IL17RB: variants seen among roughly 807,000 people sequenced by gnomAD.
IL17RB encodes the protein interleukin 17 receptor B.
A neutral mutation model predicts 43.9 loss-of-function variants in IL17RB; 36 were observed. That is an observed-to-expected ratio of 0.82 (90% CI 0.63 to 1.08). The LOEUF (loss-of-function observed/expected upper bound fraction) is 1.08. Among genes scored for constraint, IL17RB ranks in the 50% least tolerant of loss-of-function variants. The pLI is 0.00. For synonymous variants in IL17RB, 225 were observed against 225.4 expected, an observed-to-expected ratio of 1.00 and a Z score of 0.02; for missense variants, 613 against 613.6, an observed-to-expected ratio of 1.00 and a Z score of 0.01.
chr3:53,865,046 G>T lies in IL17RB; in HGVS notation c.1247G>T (p.Ser416Ile). 1 of 1,614,186 alleles carries T rather than the reference G, an allele frequency of 6.2e-7. No homozygotes were observed. The highest frequency in any genetic ancestry group is 8.5e-7 in the Non-Finnish European group (1 of 1,180,024). Residue 416 changes from serine (S) to isoleucine (I), a missense_variant, in exon 11 of 11, where the codon AGT (serine) becomes ATT (isoleucine). Ser to Ile is a moderately radical substitution (Grantham distance 142, BLOSUM62 -2). Coordinates refer to ENST00000288167, the MANE Select transcript of IL17RB (RefSeq NM_018725.4). ...GTCGKSEGSPSENSQDLFPLA... is the reference protein window; with the variant it reads ...GTCGKSEGSPIENSQDLFPLA... ...TGTGGCAAGAGCGAGGGCAGTCCCA[G>T]TGAGAACTCTCAAGACCTCTTCCCC...
At chr3:53,860,474 C>T (rs1576844996) in intron 10 of IL17RB, 3 of 348,824 alleles carry the variant, frequency 8.6e-6, no homozygotes, top group Admixed American at 4.3e-5. Context: ...TACCATTGAG[C>T]CTTCTACCAG....
chr3:53,860,411 G>A, intron 10 of IL17RB, 183 bp downstream of exon 10: 1 of 437,814 alleles, frequency 2.3e-6, no homozygotes, highest in East Asian at 3.3e-5. Flanking sequence ...ACACATGCCA[G>A]GTGAAAGCAG....
chr3:53,850,898 T>A (rs1007925229), intron 3 of IL17RB, among the ~76,000 whole-genome samples: 1 of 152,034 alleles, frequency 6.6e-6, no homozygotes, highest in Non-Finnish European at 1.5e-5. Flanking sequence ...CCTGAGGGAG[T>A]TTCTTAACCT....
chr3:53,858,897 G>T (rs1371484071), intron 9 of IL17RB, 79 bp downstream of exon 9: 7 of 1,193,666 alleles, frequency 5.9e-6, no homozygotes, highest in Non-Finnish European at 8.6e-6. Context: ...ATGTGGAAGG[G>T]TTGTGTGTAT....
intron 10 of IL17RB, among the ~76,000 whole-genome samples, chr3:53,862,708 G>T (rs528988077): frequency 6.6e-6 from 1 of 152,126 alleles, no homozygotes; most frequent in African/African-American, 2.4e-5. Flanking sequence ...AAAACAAATC[G>T]ACATTAAACA....
chr3:53,855,879 T>C (rs1460038931), intron 6 of IL17RB, among the ~76,000 whole-genome samples: 2 of 152,200 alleles, frequency 1.3e-5, no homozygotes, highest in African/African-American at 4.8e-5. Context: ...CCCTTGAATT[T>C]TGTAGTAATC....
Position 53,849,736 on chromosome 3 carries a change from G to A in IL17RB, c.167G>A (p.Ser56Asn). The A allele has an allele frequency of 6.2e-7, 1 of 1,612,052 alleles. No homozygotes were observed. Among genetic ancestry groups the A allele is most frequent in the Non-Finnish European group, 8.5e-7 (1 of 1,178,542 alleles). The change falls in exon 3 of 11, where the codon AGT becomes AAT. Residue 56 changes from serine to asparagine, a missense_variant. By Grantham distance (46) the Ser-to-Asn change is conservative. Coordinates refer to ENST00000288167, the MANE Select transcript of IL17RB (RefSeq NM_018725.4). Reference protein sequence around the residue: ...RDLRVEPVTTSVATGDYSILM... With the variant: ...RDLRVEPVTTNVATGDYSILM... The stretch of plus-strand genomic sequence containing the variant: ...CTCCGAGTAGAACCTGTTACAACTA[G>A]TGTTGCAACAGGGGACTATTCAATT...
intron 6 of IL17RB, among the ~76,000 whole-genome samples, chr3:53,856,074 G>C (rs1374100741): frequency 1.3e-5 from 2 of 152,210 alleles, no homozygotes; most frequent in Non-Finnish European, 2.9e-5. Flanking sequence ...GTCCTTGCTA[G>C]AAGGCAGATT....
At position 53,865,339 on chromosome 3, in the gene IL17RB, G is replaced by C. The variant is rs951206936; in HGVS notation, c.*31G>C. On this transcript the variant is annotated 3_prime_UTR_variant, in exon 11 of 11. Transcript: ENST00000288167. ...CCATGAGAAGCAAGAGACCTTAAAGGCTTCCTATCCCACCAATTACAGGGA... is the reference window on the plus strand; with the variant it reads ...CCATGAGAAGCAAGAGACCTTAAAGCCTTCCTATCCCACCAATTACAGGGA... The C allele has an allele frequency of 1.3e-6, 2 of 1,538,880 alleles. No homozygotes were observed. Among genetic ancestry groups the C allele is most frequent in the Non-Finnish European group, 1.8e-6 (2 of 1,141,546 alleles).
At chr3:53,857,256 C>T (rs951708200) in intron 7 of IL17RB, among the ~76,000 whole-genome samples, 1 of 152,148 alleles carries the variant, frequency 6.6e-6, no homozygotes, top group Non-Finnish European at 1.5e-5. Context: ...CTGGAAGCCT[C>T]GAAATCTGCT....
At chr3:53,849,545 G>A (rs1470558451) in intron 2 of IL17RB, 110 bp from the exon 3 acceptor site, 2 of 932,056 alleles carry the variant, frequency 2.1e-6, no homozygotes, top group African/African-American at 3.4e-5. Context: ...AAAAAAAGAA[G>A]TGAGGAATTG....
chr3:53,856,647 C>T (rs961733639), intron 6 of IL17RB, among the ~76,000 whole-genome samples, 197 bp from the exon 7 acceptor site: 2 of 152,186 alleles, frequency 1.3e-5, no homozygotes, highest in Non-Finnish European at 2.9e-5. Context: ...CAGCGATGTA[C>T]GGATCCCCAA....
chr3:53,846,859 AC>A (rs1462130495), intron 1 of IL17RB, among the ~76,000 whole-genome samples: 2 of 152,188 alleles, frequency 1.3e-5, no homozygotes, highest in Non-Finnish European at 2.9e-5. Flanking sequence ...CTCAGATGCC[AC>A]CCTGTACTGT....
intron 4 of IL17RB, 65 bp downstream of exon 4, chr3:53,852,191 G>A (rs1029860692): frequency 1.4e-6 from 2 of 1,458,226 alleles, no homozygotes; most frequent in Middle Eastern, 1.7e-4. Context: ...ACCCAGGCTG[G>A]AGTGCAGTGG....
intron 4 of IL17RB, among the ~76,000 whole-genome samples, chr3:53,852,511 C>G (rs1006561663): frequency 6.6e-6 from 1 of 152,292 alleles, no homozygotes; most frequent in African/African-American, 2.4e-5. Flanking sequence ...TGATGTGCTG[C>G]TCACACGGGC....
rs2106997295 is a variant in IL17RB, at chr3:53,846,568, A to G, written c.-21A>G. The stretch of plus-strand genomic sequence containing the variant: ...AAAGCGCAGCGTGCGGGTGGCCTGG[A>G]TCCCGCGCAGTGGCCCGGCGATGTC... On this transcript the variant is annotated 5_prime_UTR_variant, in exon 1 of 11. Coordinates refer to ENST00000288167, the MANE Select transcript of IL17RB (RefSeq NM_018725.4). The G allele has an allele frequency of 6.4e-7, 1 of 1,564,054 alleles. No individual in the cohort carries two copies. The highest frequency in any genetic ancestry group is 8.6e-7 in the Non-Finnish European group (1 of 1,161,126).
rs1208419124 is a variant in IL17RB, at chr3:53,860,221, G to A, written c.939G>A (p.Trp313Ter). The A allele has an allele frequency of 1.9e-6, 3 of 1,611,976 alleles. No homozygotes were observed. The highest frequency in any genetic ancestry group is 2.5e-6 in the Non-Finnish European group (3 of 1,178,526). The change falls in exon 10 of 11, where the codon TGG becomes TGA. Residue 313 changes from tryptophan to a stop codon, truncating the protein, a stop_gained. Transcript: ENST00000288167. LOFTEE classifies it low-confidence loss of function (END_TRUNC). ...WVLVAGIYLM[W>*]RHERIKKTSF... is the part of the protein sequence containing the mutation. ...TGGTGGCAGGGATCTATCTAATGTGGAGGCACGGTAAGGGTTATAATTCTT... is the reference window on the plus strand; with the variant it reads ...TGGTGGCAGGGATCTATCTAATGTGAAGGCACGGTAAGGGTTATAATTCTT...
chr3:53,856,648 G>A (rs574405483), intron 6 of IL17RB, among the ~76,000 whole-genome samples, 196 bp from the exon 7 acceptor site: 1 of 152,290 alleles, frequency 6.6e-6, no homozygotes, highest in East Asian at 1.9e-4. Flanking sequence ...AGCGATGTAC[G>A]GATCCCCAAA....
chr3:53,856,304 CTT>C (rs1699331179), intron 6 of IL17RB, among the ~76,000 whole-genome samples: 2 of 152,332 alleles, frequency 1.3e-5, no homozygotes, highest in Admixed American at 1.3e-4. Flanking sequence ...AAACGACTGA[CTT>C]TTTCTGCCAG....
Sources: gnomAD v4.1 joint callset for allele counts (sites outside exome capture counted in the v4.1 genomes callset) on GRCh38, gnomAD v4.1.1 for gene constraint, MANE v1.5 for transcripts, NCBI Gene and HGNC (gene_info 2026-07-23, HGNC 2026-07-21) for gene names.